The following GRID1 variants were observed in gnomAD, a reference collection of about 807,000 sequenced individuals.
The protein encoded by GRID1 is glutamate receptor ionotropic, delta-1.
A neutral mutation model predicts 98.0 loss-of-function variants in GRID1; 28 were observed. That is an observed-to-expected ratio of 0.29 (90% confidence interval 0.21 to 0.39). The LOEUF (loss-of-function observed/expected upper bound fraction) is 0.39, where lower values mean the gene tolerates loss of function less well. Among genes scored for constraint, GRID1 ranks in the 10% least tolerant of loss-of-function variants. The probability of loss-of-function intolerance (pLI) is 1.00; values close to 1 mark genes in which losing one functional copy is unlikely to be tolerated. For missense variants in GRID1, 1,111 were observed against 1,340.5 expected, an observed-to-expected ratio of 0.83 and a Z score of 2.67; for synonymous variants, 553 against 538.5, an observed-to-expected ratio of 1.03 and a Z score of -0.37.
intron 4 of GRID1, among the ~76,000 whole-genome samples, chr10:86,018,975 G>C (rs900409704): frequency 1.3e-5 from 2 of 152,216 alleles, no homozygotes; most frequent in Non-Finnish European, 2.9e-5. Flanking sequence ...GGGCTGAGGA[G>C]TTTGCAGCTC....
chr10:86,010,863 ATG>A (rs1320436442), intron 4 of GRID1, among the ~76,000 whole-genome samples: 1 of 151,602 alleles, frequency 6.6e-6, no homozygotes, highest in East Asian at 1.9e-4. Context: ...GCGTGTGTGT[ATG>A]TGTTTGTGTA....
chr10:85,953,210 A>C (rs552437731), intron 4 of GRID1, among the ~76,000 whole-genome samples: 7 of 152,244 alleles, frequency 4.6e-5, no homozygotes, highest in African/African-American at 1.7e-4. Context: ...GAATGAGATC[A>C]TGTCCTTTGC....
At chr10:86,032,385 G>C (rs181628860) in intron 4 of GRID1, among the ~76,000 whole-genome samples, 6 of 152,300 alleles carry the variant, frequency 3.9e-5, no homozygotes, top group South Asian at 4.1e-4. Context: ...CGAGTGTAAG[G>C]GGGGGAAGTG....
chr10:86,087,160 C>G (rs1387789733), intron 4 of GRID1, among the ~76,000 whole-genome samples: 3 of 152,228 alleles, frequency 2.0e-5, no homozygotes, highest in Non-Finnish European at 4.4e-5. Context: ...CTTATACACA[C>G]TTCCCATCTG....
chr10:85,699,695 G>T (rs1841431054), intron 12 of GRID1, among the ~76,000 whole-genome samples: 1 of 152,020 alleles, frequency 6.6e-6, no homozygotes, highest in Non-Finnish European at 1.5e-5. Context: ...GAGATAATTG[G>T]AAGGAATTCT....
At chr10:85,645,266 G>C (rs762913087) in intron 13 of GRID1, among the ~76,000 whole-genome samples, 4 of 152,068 alleles carry the variant, frequency 2.6e-5, no homozygotes, top group Non-Finnish European at 5.9e-5. Context: ...GCCAGGAAAG[G>C]GAACGCGAAG....
At chr10:86,224,921 C>T (rs913417183) in intron 2 of GRID1, among the ~76,000 whole-genome samples, 1 of 152,244 alleles carries the variant, frequency 6.6e-6, no homozygotes, top group East Asian at 1.9e-4. Context: ...CCCTCTGCCT[C>T]CACCACCAGG....
chr10:86,141,189 C>G (rs1564688132), intron 3 of GRID1, among the ~76,000 whole-genome samples: 1 of 152,132 alleles, frequency 6.6e-6, no homozygotes. Flanking sequence ...CAATATGGTG[C>G]CTTACACCTG....
intron 4 of GRID1, among the ~76,000 whole-genome samples, chr10:86,091,410 T>A (rs944922300): frequency 1.3e-5 from 2 of 151,908 alleles, no homozygotes; most frequent in Non-Finnish European, 2.9e-5. Context: ...GAGGCAGCCA[T>A]AATCCTCCTA....
At chr10:85,785,020 T>G (rs1249831011) in intron 8 of GRID1, among the ~76,000 whole-genome samples, 1 of 152,144 alleles carries the variant, frequency 6.6e-6, no homozygotes, top group African/African-American at 2.4e-5. Context: ...TCCCCGATGC[T>G]CTCCCTTGTA....
intron 6 of GRID1, among the ~76,000 whole-genome samples, chr10:85,866,867 G>A (rs1366282707): frequency 1.3e-5 from 2 of 152,170 alleles, no homozygotes; most frequent in Non-Finnish European, 2.9e-5. Context: ...CAAGATTCCT[G>A]TAGTGTTGCA....
chr10:86,077,881 A>T (rs1356773096), intron 4 of GRID1, among the ~76,000 whole-genome samples: 1 of 152,290 alleles, frequency 6.6e-6, no homozygotes, highest in Non-Finnish European at 1.5e-5. Flanking sequence ...CTGAAGGGAC[A>T]GTGACAGTAA....
chr10:86,224,447 A>C (rs1249640726), intron 2 of GRID1, among the ~76,000 whole-genome samples: 1 of 152,172 alleles, frequency 6.6e-6, no homozygotes, highest in African/African-American at 2.4e-5. Context: ...CCCAGGCATG[A>C]GGATGCTGCC....
chr10:86,061,209 C>T (rs553379137), intron 4 of GRID1, among the ~76,000 whole-genome samples: 1 of 152,190 alleles, frequency 6.6e-6, no homozygotes. Flanking sequence ...TCCAGCAGCT[C>T]CGAGCAGCTC....
intron 8 of GRID1, among the ~76,000 whole-genome samples, chr10:85,848,964 C>T (rs184002470): frequency 6.6e-6 from 1 of 152,318 alleles, no homozygotes; most frequent in Admixed American, 6.5e-5. Context: ...CTGGAAGTCT[C>T]TATGGGAGCA....
At chr10:85,617,844 C>T (rs1424855164) in intron 14 of GRID1, among the ~76,000 whole-genome samples, 2 of 152,094 alleles carry the variant, frequency 1.3e-5, no homozygotes, top group Admixed American at 6.5e-5. Flanking sequence ...AGGGACCTCA[C>T]GGTCAGTGAG....
chr10:86,312,926 A>T (rs1351028922), intron 2 of GRID1, among the ~76,000 whole-genome samples: 1 of 152,238 alleles, frequency 6.6e-6, no homozygotes, highest in African/African-American at 2.4e-5. Flanking sequence ...GAGGATCCCA[A>T]ACTCAGGCAC....
chr10:85,866,303 C>CAAAA (rs201164587), intron 6 of GRID1, among the ~76,000 whole-genome samples: 2 of 65,406 alleles, frequency 3.1e-5, no homozygotes, highest in African/African-American at 1.2e-4. Context: ...TAAATCACAC[C>CAAAA]AAAAAAAAAA....
chr10:85,798,890 T>C (rs947320240), intron 8 of GRID1, among the ~76,000 whole-genome samples: 3 of 152,066 alleles, frequency 2.0e-5, no homozygotes, highest in African/African-American at 7.2e-5. Flanking sequence ...GTATTTGTTG[T>C]CTTTTTTTTG....
Sources: gnomAD v4.1 joint callset for allele counts (sites outside exome capture counted in the v4.1 genomes callset) on GRCh38, gnomAD v4.1.1 for gene constraint, MANE v1.5 for transcripts, NCBI Gene and HGNC (gene_info 2026-07-23, HGNC 2026-07-21) for gene names.